Variants in PRELID2 observed in about 807,000 individuals in gnomAD.
PRELID2 encodes PRELI domain-containing protein 2.
Under a neutral mutation model 28.4 loss-of-function variants are expected in PRELID2, and 25 were observed. That is an observed-to-expected ratio of 0.88 (90% CI 0.64 to 1.23). The LOEUF is 1.23. PRELID2 is among the 50% of genes most tolerant of loss of function. The probability of loss-of-function intolerance (pLI) is 0.00; values close to 1 mark genes in which losing one functional copy is unlikely to be tolerated. For synonymous variants in PRELID2, 76 were observed against 71.6 expected, an observed-to-expected ratio of 1.06 and a Z score of -0.31; for missense variants, 201 against 214.4, an observed-to-expected ratio of 0.94 and a Z score of 0.39.
chr5:145,518,777 G>T (rs1406995063), intron 1 of PRELID2, among the ~76,000 whole-genome samples: 4 of 152,184 alleles, frequency 2.6e-5, no homozygotes, highest in African/African-American at 7.2e-5. Context: ...CTCAACTCAG[G>T]GAAGGGGTTC....
intron 1 of PRELID2, among the ~76,000 whole-genome samples, chr5:145,483,217 A>G (rs1425751316): frequency 1.3e-5 from 2 of 152,060 alleles, no homozygotes; most frequent in Non-Finnish European, 2.9e-5. Context: ...TCTGTTTCCC[A>G]CCTCATGAAT....
the PRELID2 span, among the ~76,000 whole-genome samples, chr5:145,325,570 TGGAAAAATTACAGGA>T: frequency 6.6e-6 from 1 of 152,210 alleles, no homozygotes; most frequent in Non-Finnish European, 1.5e-5. Context: ...AATAACCCTG[TGGAAAAATTACAGGA>T]GGATTAACCC....
chr5:145,761,536 A>G (rs111731747), intron 6 of PRELID2, among the ~76,000 whole-genome samples: 72 of 152,346 alleles, frequency 4.7e-4, no homozygotes, highest in African/African-American at 1.6e-3. Context: ...TATATTTTGA[A>G]AGGCCAAACA....
chr5:145,440,675 G>A, the PRELID2 span: 1 of 151,980 alleles, frequency 6.6e-6, no homozygotes. Flanking sequence ...AATAACAATT[G>A]CCAGGGAGTC....
At chr5:145,475,217 A>G (rs946295640) in intron 1 of PRELID2, among the ~76,000 whole-genome samples, 2 of 152,218 alleles carry the variant, frequency 1.3e-5, no homozygotes, top group African/African-American at 2.4e-5. Flanking sequence ...AATAAAAGTA[A>G]GTTAGCTAGC....
At chr5:145,524,221 T>C (rs1015740657) in intron 1 of PRELID2, among the ~76,000 whole-genome samples, 1 of 152,176 alleles carries the variant, frequency 6.6e-6, no homozygotes, top group Non-Finnish European at 1.5e-5. Context: ...AGTCTCAAAG[T>C]GGCATTCACA....
chr5:145,800,042 T>C (rs1014260794), intron 4 of PRELID2, among the ~76,000 whole-genome samples: 1 of 152,140 alleles, frequency 6.6e-6, no homozygotes, highest in African/African-American at 2.4e-5. Flanking sequence ...GGAAAGGAAA[T>C]GAGAGCCACG....
intron 1 of PRELID2, among the ~76,000 whole-genome samples, chr5:145,499,580 G>A (rs1250982432): frequency 3.9e-5 from 6 of 152,180 alleles, no homozygotes; most frequent in African/African-American, 1.4e-4. Flanking sequence ...CTATGCCAGA[G>A]AAGCCGAAGG....
chr5:145,697,993 AAT>A (rs796343965), intron 1 of PRELID2, among the ~76,000 whole-genome samples: 32 of 149,678 alleles, frequency 2.1e-4, no homozygotes, highest in Admixed American at 2.7e-4. Flanking sequence ...CCTCAAAAAA[AAT>A]ATATATATAT....
rs1213931481 is a variant in PRELID2, at chr5:145,481,650, AAAAGAAAGAAAG to A, written n.71-8347_71-8336del. 9.3e-5 allele frequency among the ~76,000 whole-genome samples: 11 copies of A among 117,896 alleles called. No homozygotes were observed. The South Asian group carries it at 2.4e-3, about 26-fold the overall frequency. The allele number at this position is 117,896 out of a possible 152,430, so 77.3% of individuals were successfully genotyped here. Reference sequence around the variant, plus strand: ...AAAAAAAAAAAAAAAAAAAAAAAAAAAAAGAAAGAAAGAAAGAAAGAAAGAAAGGAAATCATA... The same window carrying A: ...AAAAAAAAAAAAAAAAAAAAAAAAAAAAAGAAAGAAAGAAAGGAAATCATA... On this transcript the variant is annotated intron_variant and non_coding_transcript_variant, in intron 1 of 2. Coordinates refer to the PRELID2 transcript ENST00000510259.
intron 5 of PRELID2, among the ~76,000 whole-genome samples, chr5:145,779,617 A>G (rs540486376): frequency 6.6e-6 from 1 of 152,362 alleles, no homozygotes; most frequent in South Asian, 2.1e-4. Context: ...GTATGAGACT[A>G]GAAGGAAATA....
intron 1 of PRELID2, among the ~76,000 whole-genome samples, chr5:145,509,228 T>C (rs377377857): frequency 2.0e-5 from 3 of 152,226 alleles, no homozygotes; most frequent in African/African-American, 7.2e-5. Flanking sequence ...TCAGCCATTA[T>C]GCTAAGCATG....
chr5:145,641,913 C>T (rs1348632625), intron 1 of PRELID2, among the ~76,000 whole-genome samples: 1 of 152,118 alleles, frequency 6.6e-6, no homozygotes, highest in Admixed American at 6.6e-5. Flanking sequence ...CCAATCTATC[C>T]TTGATGGACA....
chr5:145,509,689 T>A (rs1752444396), intron 1 of PRELID2, among the ~76,000 whole-genome samples: 1 of 152,220 alleles, frequency 6.6e-6, no homozygotes, highest in Non-Finnish European at 1.5e-5. Flanking sequence ...AACAAACTTT[T>A]GCTTTTCTTC....
chr5:145,590,616 T>TTAG (rs547098445), intron 1 of PRELID2, among the ~76,000 whole-genome samples: 20 of 152,334 alleles, frequency 1.3e-4, no homozygotes, highest in African/African-American at 4.6e-4. Context: ...TATACTTGTA[T>TTAG]TAGTACCAGT....
intron 1 of PRELID2, among the ~76,000 whole-genome samples, chr5:145,676,026 G>T (rs1437364586): frequency 2.6e-5 from 4 of 151,984 alleles, no homozygotes; most frequent in African/African-American, 9.7e-5. Flanking sequence ...TTTGAGACCA[G>T]CCTGACCAAC....
intron 1 of PRELID2, among the ~76,000 whole-genome samples, chr5:145,517,521 G>A (rs746701401): frequency 1.5e-4 from 23 of 152,096 alleles, no homozygotes; most frequent in Non-Finnish European, 2.8e-4. Flanking sequence ...ATATATATAG[G>A]AACAATTTTA....
At chr5:145,318,105 AT>A in the PRELID2 span, among the ~76,000 whole-genome samples, 1 of 152,148 alleles carries the variant, frequency 6.6e-6, no homozygotes, top group Non-Finnish European at 1.5e-5. Flanking sequence ...TTTATAGTAC[AT>A]TTTATTTAGA....
At chr5:145,421,476 C>T in the PRELID2 span, among the ~76,000 whole-genome samples, 2 of 150,246 alleles carry the variant, frequency 1.3e-5, no homozygotes, top group Non-Finnish European at 3.0e-5. Flanking sequence ...GTGTATGTGT[C>T]CAGGAATTTA....
Sources: gnomAD v4.1 joint callset for allele counts (sites outside exome capture counted in the v4.1 genomes callset) on GRCh38, gnomAD v4.1.1 for gene constraint, MANE v1.5 for transcripts, NCBI Gene and HGNC (gene_info 2026-07-23, HGNC 2026-07-21) for gene names.